Variants in RC3H2 observed in about 807,000 individuals in gnomAD.
RC3H2 encodes ring finger and CCCH-type domains 2.
RC3H2 carries 31 observed loss-of-function variants against 133.3 expected under a neutral mutation model. The observed-to-expected ratio is 0.23, with a 90% CI of 0.17 to 0.31. The LOEUF is 0.31. Among genes scored for constraint, RC3H2 ranks in the 10% least tolerant of loss-of-function variants. RC3H2 has a pLI of 1.00. For missense variants in RC3H2, 1,175 were observed against 1,437.2 expected (o/e 0.82, Z 2.95); for synonymous variants, 517 against 502.2 (o/e 1.03, Z -0.40).
In RC3H2 at chr9:122,847,384, A is replaced by T. The variant is rs1302392603; in HGVS notation, c.*2243T>A. ...CCCTGAGGGCACATAAGGAGCTCTC[A>T]AACTGTTAATAGGTCTCTATTTTGT... On this transcript the variant is annotated 3_prime_UTR_variant, in exon 21 of 21. Transcript: ENST00000357244. 6.6e-6 allele frequency: 1 copy of T among 152,162 alleles called. No homozygotes were observed. The highest frequency in any genetic ancestry group is 1.5e-5 in the Non-Finnish European group (1 of 67,992). The allele number at this position is 152,162 out of a possible 1,614,324, so 9.4% of individuals were successfully genotyped here.
chr9:122,861,328 TA>T (rs996886198), intron 10 of RC3H2, among the ~76,000 whole-genome samples: 8 of 151,728 alleles, frequency 5.3e-5, no homozygotes, highest in Non-Finnish European at 1.2e-4. Flanking sequence ...CCGTCTCTAC[TA>T]AAAATACAAA....
At chr9:122,858,494 G>C (rs1007412597) in intron 12 of RC3H2, among the ~76,000 whole-genome samples, 175 bp downstream of exon 12, 3 of 152,206 alleles carry the variant, frequency 2.0e-5, no homozygotes, top group Non-Finnish European at 4.4e-5. Flanking sequence ...AGCCTTATGA[G>C]GTAGGTACTA....
intron 3 of RC3H2, among the ~76,000 whole-genome samples, 182 bp downstream of exon 3, chr9:122,892,727 A>G (rs1273917994): frequency 6.6e-6 from 1 of 152,026 alleles, no homozygotes; most frequent in Non-Finnish European, 1.5e-5. Flanking sequence ...TGAATTCTTA[A>G]TAACAATATT....
At chr9:122,893,137 A>T in intron 2 of RC3H2, 111 bp from the exon 3 acceptor site, 1 of 1,341,054 alleles carries the variant, frequency 7.5e-7, no homozygotes, top group Non-Finnish European at 9.9e-7. Flanking sequence ...TCATGCATAG[A>T]TAATACATGA....
rs1301047112 is a variant in RC3H2 at position 122,851,143 on chromosome 9, C to T, written c.3318G>A (p.Gln1106=). 1 of 1,614,080 alleles carries T rather than the reference C, an allele frequency of 6.2e-7. No homozygotes were observed. The highest frequency in any genetic ancestry group is 1.3e-5 in the African/African-American group (1 of 74,916). Reference sequence around the variant, plus strand: ...GCTTTGGTGGCTCCTTTTGGTGCTGCTGTACTGGATGCCCATTTTCCACTG... The same window carrying T: ...GCTTTGGTGGCTCCTTTTGGTGCTGTTGTACTGGATGCCCATTTTCCACTG... ...GMAVENGHPV[Q]QHQKEPPKQK... is the part of the protein sequence containing the mutation. Residue 1106 remains glutamine, a synonymous_variant, in exon 20 of 21, where the codon CAG becomes CAA. Coordinates refer to ENST00000357244, the MANE Select transcript of RC3H2 (RefSeq NM_001100588.3).
intron 2 of RC3H2, 56 bp downstream of exon 2, chr9:122,897,223 T>C (rs1352101735): frequency 2.6e-6 from 4 of 1,526,784 alleles, no homozygotes; most frequent in Non-Finnish European, 3.6e-6. Flanking sequence ...GTTAAAATAA[T>C]GGCAAAAATA....
intron 1 of RC3H2, among the ~76,000 whole-genome samples, chr9:122,899,155 T>G (rs889494989): frequency 1.6e-5 from 2 of 124,372 alleles, no homozygotes; most frequent in Non-Finnish European, 3.2e-5. Context: ...CAGACTGGAG[T>G]GCAATGGTGT....
chr9:122,850,685 C>T (rs1829988864), intron 20 of RC3H2, among the ~76,000 whole-genome samples: 1 of 152,092 alleles, frequency 6.6e-6, no homozygotes, highest in African/African-American at 2.4e-5. Context: ...GATCCACCCG[C>T]CTCAGCCTTC....
intron 1 of RC3H2, among the ~76,000 whole-genome samples, chr9:122,904,139 G>A (rs1832752564): frequency 1.3e-5 from 2 of 152,116 alleles, no homozygotes; most frequent in Admixed American, 6.5e-5. Context: ...CTTTATTTGG[G>A]ATACAAACTC....
In RC3H2 at chr9:122,858,006, G is replaced by T. The variant is rs188993344; in HGVS notation, c.2371C>A (p.Pro791Thr). ...ACAGGAAGAGTTGAAGAGACAAGAG[G>T]TGCTTTCTGAGTGTGGTACTGTGCC... ...QWAQYHTQKA[P>T]LVSSTLPVAT... The change falls in exon 13 of 21, where the codon CCT becomes ACT. Residue 791 changes from proline (P) to threonine (T), a missense_variant. Coordinates refer to ENST00000357244, the MANE Select transcript of RC3H2 (RefSeq NM_001100588.3). The T allele has an allele frequency of 2.6e-5, 42 of 1,614,148 alleles. No homozygotes were observed. In the Admixed American group the frequency reaches 5.2e-4, roughly 20 times the overall value.
At chr9:122,867,680 C>T (rs1278302970) in intron 9 of RC3H2, among the ~76,000 whole-genome samples, 2 of 113,640 alleles carry the variant, frequency 1.8e-5, no homozygotes, top group African/African-American at 3.4e-5. Flanking sequence ...CCCACCGCCC[C>T]GTCTGGGATG....
intron 14 of RC3H2, 22 bp from the exon 15 acceptor site, chr9:122,855,419 A>T (rs1323523921): frequency 1.3e-5 from 20 of 1,593,978 alleles, no homozygotes; most frequent in Non-Finnish European, 1.7e-5. Flanking sequence ...AAAGAAAATC[A>T]ATAAAAGGAC....
Position 122,852,458 on chromosome 9 carries a change from G to C in RC3H2, c.3118-1022C>G, listed in dbSNP as rs796895882. On this transcript the variant is annotated intron_variant, in intron 18 of 20. Coordinates refer to ENST00000357244, the MANE Select transcript of RC3H2 (RefSeq NM_001100588.3). ...CCGCCCCGTCCGGGAGGTGAGGGGCGCCTCTGCCCGGCCGCCCCTACTGGG... is the reference window on the plus strand; with the variant it reads ...CCGCCCCGTCCGGGAGGTGAGGGGCCCCTCTGCCCGGCCGCCCCTACTGGG... Among the ~76,000 whole-genome samples, 16 of 146,770 alleles carry C rather than the reference G, an allele frequency of 1.1e-4. No individual in the cohort carries two copies. The East Asian group carries it at 3.1e-3, about 29-fold the overall frequency.
At position 122,846,988 on chromosome 9, in the gene RC3H2, TCTCAACACAGAAACAATTC is replaced by T. The variant is rs766370760; in HGVS notation, c.*2620_*2638del. Reference sequence around the variant, plus strand: ...AGAGAATGGATGCAACACAGAATAATCTCAACACAGAAACAATTCCTATGTTGTTAGTGAAAAAGAGAGT... The same window carrying T: ...AGAGAATGGATGCAACACAGAATAATCTATGTTGTTAGTGAAAAAGAGAGT... On this transcript the variant is annotated 3_prime_UTR_variant, in exon 21 of 21. Transcript: ENST00000357244. 5 of 152,118 alleles carry T rather than the reference TCTCAACACAGAAACAATTC, an allele frequency of 3.3e-5. No homozygotes were observed. The highest frequency in any genetic ancestry group is 1.3e-4 in the Admixed American group (2 of 15,266). 9.4% of individuals were successfully genotyped at this position (152,118 alleles called of 1,614,324 possible).
chr9:122,891,635 T>C (rs549855157), intron 3 of RC3H2, among the ~76,000 whole-genome samples: 4 of 152,340 alleles, frequency 2.6e-5, no homozygotes, highest in South Asian at 2.1e-4. Flanking sequence ...GGCTTACTAA[T>C]GTATCCCAGC....
At chr9:122,861,909 T>C (rs1020890404) in intron 10 of RC3H2, among the ~76,000 whole-genome samples, 1 of 152,234 alleles carries the variant, frequency 6.6e-6, no homozygotes, top group African/African-American at 2.4e-5. Context: ...ATTTTAGGAC[T>C]GTGCTTATTC....
At chr9:122,887,942 G>A (rs533018043) in intron 4 of RC3H2, among the ~76,000 whole-genome samples, 18 of 151,950 alleles carry the variant, frequency 1.2e-4, no homozygotes, top group Middle Eastern at 3.4e-3. Context: ...ACAGGGTTTC[G>A]CCATGTTGGC....
At chr9:122,897,759 AAAC>A in intron 1 of RC3H2, 183 bp from the exon 2 acceptor site, 1 of 478,270 alleles carries the variant, frequency 2.1e-6, no homozygotes, top group Non-Finnish European at 3.7e-6. Flanking sequence ...TTCTGCCTGG[AAAC>A]AATACCTTAA....
At chr9:122,859,403 T>G (rs1363286862) in intron 11 of RC3H2, among the ~76,000 whole-genome samples, 1 of 151,994 alleles carries the variant, frequency 6.6e-6, no homozygotes, top group Admixed American at 6.6e-5. Context: ...AAACTACATA[T>G]TTTCAAGACA....
Sources: gnomAD v4.1 joint callset for allele counts (sites outside exome capture counted in the v4.1 genomes callset) on GRCh38, gnomAD v4.1.1 for gene constraint, MANE v1.5 for transcripts, NCBI Gene and HGNC (gene_info 2026-07-23, HGNC 2026-07-21) for gene names.